GRAP2: variants seen among roughly 807,000 people sequenced by gnomAD.
GRAP2 encodes GRB2-related adapter protein 2.
In GRAP2, 31 loss-of-function variants were observed where a neutral mutation model predicts 43.5. The observed-to-expected ratio is 0.71, with a 90% CI of 0.54 to 0.96. GRAP2 has a LOEUF of 0.96. GRAP2 is among the 40% of genes least tolerant of loss of function. The pLI, the probability that GRAP2 is intolerant of heterozygous loss-of-function variation, is 0.00. For synonymous variants in GRAP2, 156 were observed against 164.8 expected (o/e 0.95, Z 0.41); for missense variants, 371 against 424.4 (o/e 0.87, Z 1.11).
chr22:39,922,981 G>T (rs541183748), intron 1 of GRAP2, among the ~76,000 whole-genome samples: 1 of 151,816 alleles, frequency 6.6e-6, no homozygotes, highest in Non-Finnish European at 1.5e-5. Context: ...GGCGGAGGTT[G>T]CAGTGAGCCG....
At chr22:39,918,304 C>T (rs1174623317) in intron 1 of GRAP2, among the ~76,000 whole-genome samples, 3 of 152,070 alleles carry the variant, frequency 2.0e-5, no homozygotes, top group Non-Finnish European at 4.4e-5. Context: ...AAATCGCAGA[C>T]GAATAATAAC....
Position 39,968,048 on chromosome 22 carries a change from C to A in GRAP2, c.466C>A (p.Arg156=), listed in dbSNP as rs141126223. The A allele has an allele frequency of 1.9e-6, 3 of 1,611,952 alleles. No homozygotes were observed. Among genetic ancestry groups the A allele is most frequent in the Non-Finnish European group, 2.5e-6 (3 of 1,178,760 alleles). ...TCTCTGTTCTTTCTCCCAGGGTCAC[C>A]GGGGCAACAGCCTGGACCGGAGGTC... The part of the protein sequence containing the change: ...RDRTREDQGH[R]GNSLDRRSQG... Residue 156 remains arginine, a synonymous_variant, in exon 6 of 8, where the codon CGG becomes AGG. Transcript: ENST00000344138.
upstream of GRAP2, among the ~76,000 whole-genome samples, chr22:39,896,155 A>G (rs1317355952): frequency 6.6e-6 from 1 of 152,202 alleles, no homozygotes; most frequent in Non-Finnish European, 1.5e-5. Flanking sequence ...GTGTGTGCTC[A>G]AAGAGTAGAT....
intron 1 of GRAP2, 26 bp from the exon 2 acceptor site, chr22:39,947,067 C>T: frequency 7.4e-7 from 1 of 1,356,446 alleles, no homozygotes; most frequent in East Asian, 2.3e-5. Context: ...CAGAGAGGCA[C>T]AATGACCACA....
chr22:39,918,077 T>C (rs2066617949), intron 1 of GRAP2, among the ~76,000 whole-genome samples: 1 of 152,232 alleles, frequency 6.6e-6, no homozygotes, highest in Admixed American at 6.5e-5. Flanking sequence ...TTACAGAGAA[T>C]GAATATTCTG....
Position 39,971,175 on chromosome 22 carries a change from A to G in GRAP2, c.*91A>G, listed in dbSNP as rs906020051. ...CTGGACTCCATGACTATATATACATACATCTATCTACATCTGCCTGTGTAC... is the reference window on the plus strand; with the variant it reads ...CTGGACTCCATGACTATATATACATGCATCTATCTACATCTGCCTGTGTAC... On this transcript the variant is annotated 3_prime_UTR_variant, in exon 8 of 8. Coordinates refer to ENST00000344138, the MANE Select transcript of GRAP2 (RefSeq NM_004810.4). 8.4e-5 allele frequency: 73 copies of G among 866,876 alleles called. No homozygotes were observed. The highest frequency in any genetic ancestry group is 1.1e-4 in the Non-Finnish European group (62 of 548,010). 53.7% of individuals were successfully genotyped at this position (866,876 alleles called of 1,614,324 possible).
chr22:39,901,206 A>G lies in GRAP2; in HGVS notation c.-139A>G, dbSNP rs558388432. ...GAGTGGTACATGGAAGACAGCACAA[A>G]GTGGATCCATACTCTGAAATGCAGT... is the stretch of plus-strand genomic sequence containing the variant. On this transcript the variant is annotated 5_prime_UTR_variant, in exon 1 of 8. Coordinates refer to ENST00000344138, the MANE Select transcript of GRAP2 (RefSeq NM_004810.4). 1.0e-5 allele frequency: 9 copies of G among 881,544 alleles called. No homozygotes were observed. The highest frequency in any genetic ancestry group is 1.4e-5 in the South Asian group (1 of 72,934). The allele number at this position is 881,544 out of a possible 1,614,324, so 54.6% of individuals were successfully genotyped here.
intron 1 of GRAP2, among the ~76,000 whole-genome samples, chr22:39,902,149 T>G (rs2066497457): frequency 6.6e-6 from 1 of 152,224 alleles, no homozygotes; most frequent in Admixed American, 6.5e-5. Flanking sequence ...CTAGATAAAC[T>G]AGGAGTGGGA....
chr22:39,907,293 GA>G (rs1221225112), intron 1 of GRAP2, among the ~76,000 whole-genome samples: 2 of 151,944 alleles, frequency 1.3e-5, no homozygotes, highest in Non-Finnish European at 1.5e-5. Context: ...CCCCAATGGG[GA>G]AAAAAAACCA....
In GRAP2 at chr22:39,971,336, G is replaced by A. The variant is rs2145688308; in HGVS notation, c.*252G>A. On this transcript the variant is annotated 3_prime_UTR_variant, in exon 8 of 8. Coordinates refer to ENST00000344138, the MANE Select transcript of GRAP2 (RefSeq NM_004810.4). ...CAGGGGTGTGTGGAAGGCAGTGGGG[G>A]AGTTGGGAGGGGGGCAGGGAAATGA... is the stretch of plus-strand genomic sequence containing the variant. 1 of 475,296 alleles carries A rather than the reference G, an allele frequency of 2.1e-6. No individual in the cohort carries two copies. The allele number at this position is 475,296 out of a possible 1,614,324, so 29.4% of individuals were successfully genotyped here.
At chr22:39,926,925 C>A in intron 1 of GRAP2, 1 of 820,180 alleles carries the variant, frequency 1.2e-6, no homozygotes, top group Non-Finnish European at 1.5e-6. Context: ...CAGAAGCTGC[C>A]ACCCACTGCC....
intron 1 of GRAP2, chr22:39,926,823 T>C: frequency 1.0e-6 from 1 of 983,538 alleles, no homozygotes; most frequent in Non-Finnish European, 1.2e-6. Context: ...CACTGCCAAT[T>C]AGGGGAGTAT....
At chr22:39,896,665 C>A (rs2066467647), upstream of GRAP2, among the ~76,000 whole-genome samples, 1 of 151,900 alleles carries the variant, frequency 6.6e-6, no homozygotes, top group Admixed American at 6.6e-5. Context: ...GACTGAAGTC[C>A]CAATAAACAG....
intron 1 of GRAP2, among the ~76,000 whole-genome samples, chr22:39,929,902 C>G (rs2066740175): frequency 6.6e-6 from 1 of 152,182 alleles, no homozygotes; most frequent in African/African-American, 2.4e-5. Flanking sequence ...AACATCTACC[C>G]TAATGCCCCC....
intron 7 of GRAP2, 48 bp from the exon 8 acceptor site, chr22:39,970,857 T>G (rs925941790): frequency 1.3e-6 from 2 of 1,497,364 alleles, no homozygotes; most frequent in Non-Finnish European, 1.8e-6. Flanking sequence ...CTCCCCTGCC[T>G]GCCCAGCCCA....
At position 39,944,441 on chromosome 22, in the gene GRAP2, C is replaced by A. The variant is rs530193255; in HGVS notation, c.-14-2652C>A. On this transcript the variant is annotated intron_variant, in intron 1 of 7. Transcript: ENST00000344138. ...AAAAAGAGAACATACCCCACCCCAC[C>A]CTGAACAAACAGCAGCTGGGCAGAT... 1.3e-4 allele frequency among the ~76,000 whole-genome samples: 20 copies of A among 152,194 alleles called. No homozygotes were observed. The South Asian group carries it at 3.9e-3, about 30-fold the overall frequency.
chr22:39,945,974 C>T (rs886176936), intron 1 of GRAP2, among the ~76,000 whole-genome samples: 2 of 152,196 alleles, frequency 1.3e-5, no homozygotes, highest in Non-Finnish European at 2.9e-5. Context: ...GATTATCCTG[C>T]CTCAGCCTCC....
chr22:39,936,144 A>ATGTCTGTC (rs575687297), intron 1 of GRAP2, among the ~76,000 whole-genome samples: 1 of 152,014 alleles, frequency 6.6e-6, no homozygotes, highest in Non-Finnish European at 1.5e-5. Context: ...GATTTGTAAA[A>ATGTCTGTC]TGTCTGTCTG....
chr22:39,900,811 G>A (rs901731974), upstream of GRAP2, among the ~76,000 whole-genome samples: 1 of 152,114 alleles, frequency 6.6e-6, no homozygotes, highest in African/African-American at 2.4e-5. Context: ...ATGTTCCTCT[G>A]GATGCATGAT....
Sources: gnomAD v4.1 joint callset for allele counts (sites outside exome capture counted in the v4.1 genomes callset) on GRCh38, gnomAD v4.1.1 for gene constraint, MANE v1.5 for transcripts, NCBI Gene and HGNC (gene_info 2026-07-23, HGNC 2026-07-21) for gene names.